CNTNAP2: variants seen among roughly 807,000 people sequenced by gnomAD.
CNTNAP2 encodes the protein contactin associated protein 2, also known as contactin-associated protein-like 2.
CNTNAP2 carries 98 observed loss-of-function variants against 155.2 expected under a neutral mutation model. The ratio of observed to expected loss-of-function variants is 0.63; its 90% confidence interval spans 0.54 to 0.75. The LOEUF (loss-of-function observed/expected upper bound fraction) is 0.75, where lower values mean the gene tolerates loss of function less well. CNTNAP2 is among the 30% of genes least tolerant of loss of function. The pLI is 0.00. For synonymous variants in CNTNAP2, 651 were observed against 631.2 expected, an observed-to-expected ratio of 1.03 and a Z score of -0.47; for missense variants, 1,727 against 1,688.1, an observed-to-expected ratio of 1.02 and a Z score of -0.40.
At chr7:147,200,725 C>G (rs1215277909) in intron 8 of CNTNAP2, among the ~76,000 whole-genome samples, 1 of 152,200 alleles carries the variant, frequency 6.6e-6, no homozygotes, top group Non-Finnish European at 1.5e-5. Flanking sequence ...AGAAGTCTCT[C>G]CCAACATGCA....
At chr7:148,251,560 G>T (rs1796363055) in intron 20 of CNTNAP2, among the ~76,000 whole-genome samples, 1 of 152,096 alleles carries the variant, frequency 6.6e-6, no homozygotes, top group South Asian at 2.1e-4. Flanking sequence ...CCTTATCTGG[G>T]GTTTGGGCTC....
At chr7:147,552,817 T>C (rs1584808439) in intron 11 of CNTNAP2, among the ~76,000 whole-genome samples, 1 of 152,322 alleles carries the variant, frequency 6.6e-6, no homozygotes, top group East Asian at 1.9e-4. Context: ...GCTCTGCCTT[T>C]TTCTAGGTGA....
At chr7:147,998,051 C>T (rs1801836723) in intron 15 of CNTNAP2, among the ~76,000 whole-genome samples, 1 of 150,414 alleles carries the variant, frequency 6.6e-6, no homozygotes, top group Non-Finnish European at 1.5e-5. Flanking sequence ...ATTGTATTGA[C>T]TGTGTGGTCA....
intron 11 of CNTNAP2, among the ~76,000 whole-genome samples, chr7:147,493,435 G>A (rs982997049): frequency 6.6e-6 from 1 of 152,104 alleles, no homozygotes; most frequent in Non-Finnish European, 1.5e-5. Context: ...TTATTAAGGA[G>A]TGACTATGGG....
rs191151254 is a variant in CNTNAP2 at position 146,562,523 on chromosome 7, G to T, written c.98-211748G>T. ...ATTTTAAGGCAAATACATAATAAAT[G>T]CTAAAATGTTGTAGCAATATTCTGG... On this transcript the variant is annotated intron_variant, in intron 1 of 23. Coordinates refer to ENST00000361727, the MANE Select transcript of CNTNAP2 (RefSeq NM_014141.6). Among the ~76,000 whole-genome samples, 23 of 152,204 alleles carry T rather than the reference G, an allele frequency of 1.5e-4. No homozygotes were observed. In the East Asian group the frequency reaches 2.5e-3, roughly 17 times the overall value.
intron 3 of CNTNAP2, among the ~76,000 whole-genome samples, chr7:146,862,581 T>C (rs1446146549): frequency 6.6e-6 from 1 of 152,192 alleles, no homozygotes; most frequent in East Asian, 1.9e-4. Flanking sequence ...GCATACTATT[T>C]GAATGTGTAC....
chr7:148,089,551 A>T (rs1402049507), intron 15 of CNTNAP2, among the ~76,000 whole-genome samples: 1 of 152,072 alleles, frequency 6.6e-6, no homozygotes, highest in African/African-American at 2.4e-5. Flanking sequence ...TTTCATTTAC[A>T]ATACTAAAAA....
Position 146,739,335 on chromosome 7 carries a change from G to A in CNTNAP2, c.98-34936G>A, listed in dbSNP as rs550596157. ...TGCTTTTGCTCTCCCAGGGGTTTTG[G>A]TATTTTGTGTTTCCATTTTCACTGG... is the stretch of plus-strand genomic sequence containing the variant. On this transcript the variant is annotated intron_variant, in intron 1 of 23. Transcript: ENST00000361727. Among the ~76,000 whole-genome samples, 219 of 151,948 alleles carry A rather than the reference G, an allele frequency of 1.4e-3. 1 individual carries two copies. Among genetic ancestry groups the A allele is most frequent in the Non-Finnish European group, 2.8e-3 (187 of 67,832 alleles).
chr7:146,881,973 T>C lies in CNTNAP2; in HGVS notation c.402+42069T>C, dbSNP rs557588691. 4.6e-5 allele frequency among the ~76,000 whole-genome samples: 7 copies of C among 152,076 alleles called. No individual in the cohort carries two copies. In the East Asian group the frequency reaches 1.4e-3, roughly 30 times the overall value. Reference sequence around the variant, plus strand: ...AACTCTTGCCTCCTCCTTCTCTCCTTCCTCTGCTGGTCTCTAGTGTCTGTT... The same window carrying C: ...AACTCTTGCCTCCTCCTTCTCTCCTCCCTCTGCTGGTCTCTAGTGTCTGTT... On this transcript the variant is annotated intron_variant, in intron 3 of 23. Transcript: ENST00000361727.
chr7:147,555,917 C>G (rs535819549), intron 11 of CNTNAP2, among the ~76,000 whole-genome samples: 1 of 152,190 alleles, frequency 6.6e-6, no homozygotes, highest in Non-Finnish European at 1.5e-5. Flanking sequence ...ATTCTTTAAT[C>G]GATGCTTTAT....
At chr7:146,242,728 A>G (rs1284271571) in intron 1 of CNTNAP2, among the ~76,000 whole-genome samples, 3 of 152,212 alleles carry the variant, frequency 2.0e-5, no homozygotes, top group African/African-American at 7.2e-5. Context: ...GAACACAAAT[A>G]TCAGTGTATT....
intron 3 of CNTNAP2, among the ~76,000 whole-genome samples, chr7:146,974,603 G>A (rs1467575938): frequency 6.6e-6 from 1 of 152,024 alleles, no homozygotes; most frequent in East Asian, 1.9e-4. Context: ...TCTCCAAATT[G>A]GAAATTAGTA....
At chr7:146,936,041 A>G (rs1796907231) in intron 3 of CNTNAP2, among the ~76,000 whole-genome samples, 1 of 152,300 alleles carries the variant, frequency 6.6e-6, no homozygotes, top group East Asian at 1.9e-4. Flanking sequence ...AGCTGAAAGA[A>G]CTATGCAACC....
intron 8 of CNTNAP2, among the ~76,000 whole-genome samples, chr7:147,168,766 C>T (rs571291176): frequency 9.9e-5 from 15 of 152,122 alleles, no homozygotes; most frequent in Admixed American, 3.3e-4. Flanking sequence ...TTTTAATACA[C>T]TTTTCATCTT....
At chr7:147,548,687 T>A (rs1799790344) in intron 11 of CNTNAP2, among the ~76,000 whole-genome samples, 1 of 152,232 alleles carries the variant, frequency 6.6e-6, no homozygotes, top group Non-Finnish European at 1.5e-5. Context: ...TGCCCATGCC[T>A]ATGTCCTGAA....
chr7:148,081,276 A>C (rs1236128265), intron 15 of CNTNAP2, among the ~76,000 whole-genome samples: 2 of 152,156 alleles, frequency 1.3e-5, no homozygotes, highest in African/African-American at 4.8e-5. Context: ...GTGATAGTTA[A>C]TACTGAGTGT....
chr7:146,258,964 T>G (rs1017306870), intron 1 of CNTNAP2, among the ~76,000 whole-genome samples: 1 of 152,138 alleles, frequency 6.6e-6, no homozygotes, highest in Non-Finnish European at 1.5e-5. Context: ...AATCGCGAAG[T>G]GTTGAGGGAG....
At chr7:146,579,655 C>T (rs972689315) in intron 1 of CNTNAP2, among the ~76,000 whole-genome samples, 2 of 152,052 alleles carry the variant, frequency 1.3e-5, no homozygotes, top group African/African-American at 4.8e-5. Flanking sequence ...TTCATCATTT[C>T]ACAAATTTGG....
chr7:146,596,389 C>CAGT (rs1296536561), intron 1 of CNTNAP2, among the ~76,000 whole-genome samples: 2 of 151,658 alleles, frequency 1.3e-5, no homozygotes, highest in Non-Finnish European at 2.9e-5. Context: ...TGAGAGGAAA[C>CAGT]AGTAATAGGA....
Sources: allele counts gnomAD v4.1 joint callset (sites outside exome capture counted in the v4.1 genomes callset), GRCh38; gene constraint gnomAD v4.1.1; transcripts MANE v1.5; gene names NCBI Gene and HGNC (gene_info 2026-07-23, HGNC 2026-07-21).